MNAT1: variants seen among roughly 807,000 people sequenced by gnomAD.
MNAT1 encodes MNAT1 component of CDK activating kinase.
A neutral mutation model predicts 42.0 loss-of-function variants in MNAT1; 43 were observed. The observed-to-expected ratio is 1.02, with a 90% CI of 0.80 to 1.32. The LOEUF (loss-of-function observed/expected upper bound fraction) is 1.32. Ranked by LOEUF, MNAT1 falls within the 40% of genes most tolerant of loss-of-function variation. The probability of loss-of-function intolerance (pLI) is 0.00; values close to 1 mark genes in which losing one functional copy is unlikely to be tolerated. For synonymous variants in MNAT1, 118 were observed against 120.0 expected (o/e 0.98, Z 0.11); for missense variants, 306 against 350.4 (o/e 0.87, Z 1.01).
At chr14:60,883,746 A>T (rs1027337177) in intron 7 of MNAT1, among the ~76,000 whole-genome samples, 1 of 151,914 alleles carries the variant, frequency 6.6e-6, no homozygotes, top group African/African-American at 2.4e-5. Context: ...GTCCTCTTCA[A>T]TTTTTTGCGT....
chr14:60,839,306 C>T, intron 6 of MNAT1, among the ~76,000 whole-genome samples: 1 of 152,136 alleles, frequency 6.6e-6, no homozygotes, highest in Non-Finnish European at 1.5e-5. Flanking sequence ...CTCACACAGA[C>T]GTTGGGACTA....
intron 7 of MNAT1, among the ~76,000 whole-genome samples, chr14:60,932,966 A>C (rs1422962091): frequency 6.6e-6 from 1 of 152,060 alleles, no homozygotes; most frequent in Non-Finnish European, 1.5e-5. Flanking sequence ...GAGTTGAGAG[A>C]ATTTTTGGAA....
chr14:60,738,244 A>C (rs552088214), intron 1 of MNAT1, among the ~76,000 whole-genome samples: 1 of 137,920 alleles, frequency 7.3e-6, no homozygotes, highest in Non-Finnish European at 1.5e-5. Flanking sequence ...GATAAGAAAA[A>C]CATCTTGGAT....
intron 5 of MNAT1, among the ~76,000 whole-genome samples, chr14:60,812,948 G>A (rs1293879849): frequency 1.3e-5 from 2 of 152,282 alleles, no homozygotes; most frequent in Middle Eastern, 3.4e-3. Context: ...CCAAGTGTGG[G>A]TACCCAGAAA....
intron 6 of MNAT1, among the ~76,000 whole-genome samples, chr14:60,851,986 G>C (rs2033835161): frequency 6.6e-6 from 1 of 152,112 alleles, no homozygotes; most frequent in Admixed American, 6.6e-5. Flanking sequence ...AGTCTTTGCT[G>C]TTGTGAATAG....
intron 3 of MNAT1, among the ~76,000 whole-genome samples, chr14:60,800,712 T>A (rs564923863): frequency 6.6e-6 from 1 of 152,216 alleles, no homozygotes; most frequent in East Asian, 1.9e-4. Flanking sequence ...GAGAGACAGG[T>A]GTATGTGTGT....
chr14:60,842,923 C>T (rs961409311), intron 6 of MNAT1, among the ~76,000 whole-genome samples: 2 of 152,148 alleles, frequency 1.3e-5, no homozygotes, highest in Non-Finnish European at 2.9e-5. Flanking sequence ...AGGAAAAGAT[C>T]AAAATTCGAA....
intron 7 of MNAT1, among the ~76,000 whole-genome samples, chr14:60,890,253 A>G (rs147159660): frequency 2.6e-5 from 4 of 152,352 alleles, no homozygotes; most frequent in Non-Finnish European, 4.4e-5. Context: ...CATATACACC[A>G]TGATTTGCAT....
chr14:60,745,826 G>C (rs896692863), intron 1 of MNAT1, among the ~76,000 whole-genome samples: 3 of 152,114 alleles, frequency 2.0e-5, no homozygotes, highest in African/African-American at 7.2e-5. Context: ...TACTACCTCA[G>C]CTCCTTCCCT....
chr14:60,913,973 G>A (rs1026686976), intron 7 of MNAT1, among the ~76,000 whole-genome samples: 5 of 152,206 alleles, frequency 3.3e-5, no homozygotes, highest in South Asian at 2.1e-4. Context: ...TGGGCTCCAC[G>A]CAGTTCGAGC....
chr14:60,912,096 G>T (rs1162335426), intron 7 of MNAT1, among the ~76,000 whole-genome samples: 1 of 151,908 alleles, frequency 6.6e-6, no homozygotes, highest in Non-Finnish European at 1.5e-5. Flanking sequence ...TGTCTCTCTT[G>T]ATCTTTGTTG....
intron 7 of MNAT1, among the ~76,000 whole-genome samples, chr14:60,883,020 C>G (rs1225835458): frequency 1.3e-5 from 2 of 152,050 alleles, no homozygotes; most frequent in South Asian, 4.2e-4. Context: ...AATATTTTCT[C>G]CCATTCTATA....
chr14:60,770,102 G>T (rs1464270453), intron 1 of MNAT1, among the ~76,000 whole-genome samples: 1 of 151,830 alleles, frequency 6.6e-6, no homozygotes, highest in Non-Finnish European at 1.5e-5. Context: ...CTTCTTTTCT[G>T]CCCTTTGCCT....
intron 1 of MNAT1, among the ~76,000 whole-genome samples, chr14:60,738,465 A>G (rs1896371806): frequency 6.6e-6 from 1 of 152,074 alleles, no homozygotes; most frequent in Non-Finnish European, 1.5e-5. Flanking sequence ...TATGTTGGCC[A>G]GGCTGGTCTC....
In MNAT1 at chr14:60,740,729, A is replaced by G; in HGVS notation, c.89+5778A>G. ...CTGTTGTGATAAGAGGATATACTCT[A>G]TAAAATTTCAGTCTTTTGAAGTTTT... On this transcript the variant is annotated intron_variant, in intron 1 of 7. Transcript: ENST00000261245. This position sits in a 1 kb window ranked among gnomAD's most constrained non-coding sequence, Gnocchi z 4.1. 6.6e-6 allele frequency among the ~76,000 whole-genome samples: 1 copy of G among 152,214 alleles called. No individual in the cohort carries two copies.
chr14:60,941,134 G>T (rs571099547), intron 7 of MNAT1, among the ~76,000 whole-genome samples: 3 of 152,174 alleles, frequency 2.0e-5, no homozygotes, highest in African/African-American at 7.2e-5. Flanking sequence ...TGATTATGTG[G>T]TATTTAAATA....
chr14:60,797,480 T>TC (rs1453940533), intron 2 of MNAT1, among the ~76,000 whole-genome samples: 2 of 152,172 alleles, frequency 1.3e-5, no homozygotes, highest in Non-Finnish European at 2.9e-5. Context: ...TAAGCTCATT[T>TC]CCCAATCTTT....
chr14:60,735,594 G>A (rs1430057815), intron 1 of MNAT1, among the ~76,000 whole-genome samples: 2 of 152,220 alleles, frequency 1.3e-5, no homozygotes, highest in Non-Finnish European at 2.9e-5. Context: ...GTCCCATGAA[G>A]TAGATACTGG....
chr14:60,950,349 C>A (rs1411541666), intron 7 of MNAT1, among the ~76,000 whole-genome samples: 1 of 152,054 alleles, frequency 6.6e-6, no homozygotes, highest in Non-Finnish European at 1.5e-5. Flanking sequence ...AAGCAATTTT[C>A]AAATATACTC....
Sources: allele counts gnomAD v4.1 joint callset (sites outside exome capture counted in the v4.1 genomes callset), GRCh38; gene constraint gnomAD v4.1.1; non-coding constraint Gnocchi (gnomAD v3.1); transcripts MANE v1.5; gene names NCBI Gene and HGNC (gene_info 2026-07-23, HGNC 2026-07-21).